The following DGKH variants were observed in gnomAD, a reference collection of about 807,000 sequenced individuals.
The protein encoded by DGKH is diacylglycerol kinase eta.
Under a neutral mutation model 159.3 loss-of-function variants are expected in DGKH, and 90 were observed. The ratio of observed to expected loss-of-function variants is 0.57; its 90% CI spans 0.48 to 0.67. DGKH has a LOEUF of 0.67. Ranked by LOEUF, DGKH falls within the 30% of genes least tolerant of loss-of-function variation. The pLI is 0.00. For missense variants in DGKH, 1,181 were observed against 1,506.1 expected, an observed-to-expected ratio of 0.78 and a Z score of 3.57; for synonymous variants, 536 against 553.8, an observed-to-expected ratio of 0.97 and a Z score of 0.45.
intron 1 of DGKH, among the ~76,000 whole-genome samples, chr13:42,063,513 T>C (rs1006642720): frequency 1.3e-5 from 2 of 152,208 alleles, no homozygotes; most frequent in African/African-American, 2.4e-5. Flanking sequence ...ATTAGCAAGT[T>C]TGATCTTTAA....
intron 3 of DGKH, among the ~76,000 whole-genome samples, chr13:42,137,695 T>A (rs544611234): frequency 6.6e-6 from 1 of 152,304 alleles, no homozygotes; most frequent in Admixed American, 6.5e-5. Context: ...AGACTACAAA[T>A]TTAGAATATT....
intron 16 of DGKH, among the ~76,000 whole-genome samples, chr13:42,193,826 G>GA (rs1957142832): frequency 6.6e-6 from 1 of 152,124 alleles, no homozygotes; most frequent in African/African-American, 2.4e-5. Flanking sequence ...TAGGGAGAGT[G>GA]AAGATAATTA....
chr13:42,163,667 G>A (rs1324200386), intron 7 of DGKH, among the ~76,000 whole-genome samples: 2 of 152,128 alleles, frequency 1.3e-5, no homozygotes, highest in Non-Finnish European at 2.9e-5. Context: ...CTTCTTTTGA[G>A]AAGTGTCTGT....
chr13:42,078,125 A>G (rs1954133474), intron 1 of DGKH, among the ~76,000 whole-genome samples: 1 of 152,236 alleles, frequency 6.6e-6, no homozygotes. Flanking sequence ...ATGATACATC[A>G]AAGAATCAAA....
chr13:42,220,424 A>G (rs1015869065), intron 28 of DGKH, among the ~76,000 whole-genome samples: 1 of 152,208 alleles, frequency 6.6e-6, no homozygotes, highest in African/African-American at 2.4e-5. Context: ...TTAAATGTAC[A>G]GGTATGCTAG....
At chr13:42,081,359 A>T (rs1340009440) in intron 1 of DGKH, among the ~76,000 whole-genome samples, 1 of 151,982 alleles carries the variant, frequency 6.6e-6, no homozygotes, top group Non-Finnish European at 1.5e-5. Flanking sequence ...CCTCCCAAGT[A>T]ACTGGGACTA....
chr13:42,213,090 G>A (rs1403387003), intron 24 of DGKH, among the ~76,000 whole-genome samples: 1 of 152,146 alleles, frequency 6.6e-6, no homozygotes, highest in African/African-American at 2.4e-5. Flanking sequence ...TCTTTACTGG[G>A]CTGTTCTAGA....
At chr13:42,177,113 A>G (rs1956622909) in intron 12 of DGKH, among the ~76,000 whole-genome samples, 1 of 152,168 alleles carries the variant, frequency 6.6e-6, no homozygotes, top group African/African-American at 2.4e-5. Context: ...GTAAATTTTC[A>G]CAAACTAAAC....
chr13:42,174,490 C>A (rs1173056899), intron 12 of DGKH, among the ~76,000 whole-genome samples: 1 of 152,172 alleles, frequency 6.6e-6, no homozygotes, highest in Non-Finnish European at 1.5e-5. Context: ...TAATTCCTCC[C>A]TGCATGTTCT....
At chr13:42,122,475 T>C (rs1364587844) in intron 1 of DGKH, among the ~76,000 whole-genome samples, 1 of 152,178 alleles carries the variant, frequency 6.6e-6, no homozygotes, top group East Asian at 1.9e-4. Context: ...AGCTCAGATC[T>C]TTCTTTCTTC....
chr13:42,175,471 A>G (rs1010831368), intron 12 of DGKH, among the ~76,000 whole-genome samples: 17 of 152,220 alleles, frequency 1.1e-4, no homozygotes, highest in Admixed American at 2.0e-4. Context: ...TTATCTTAAC[A>G]GTATTTTTGT....
rs115024215 is a variant in DGKH, at chr13:42,158,227, G to A, written c.623-1039G>A. 9.1e-3 allele frequency among the ~76,000 whole-genome samples: 1,386 copies of A among 152,276 alleles called. 20 individuals are homozygous for A. Among genetic ancestry groups the A allele is most frequent in the African/African-American group, 0.03 (1,246 of 41,548 alleles). On this transcript the variant is annotated intron_variant, in intron 5 of 29. Coordinates refer to ENST00000337343, the MANE Select transcript of DGKH (RefSeq NM_178009.5). ...CCAATTAAGACAGTTTCAAGAGAAT[G>A]GTGTGTAATGCAAAATTTGTTAATG... is the stretch of plus-strand genomic sequence containing the variant.
upstream of DGKH, among the ~76,000 whole-genome samples, chr13:42,047,683 G>C (rs1011584590): frequency 1.3e-5 from 2 of 152,206 alleles, no homozygotes; most frequent in Non-Finnish European, 2.9e-5. Flanking sequence ...GGGGAGTTGT[G>C]CGCGGTGGCT....
chr13:42,174,058 A>G lies in DGKH; in HGVS notation c.1368-2A>G. The G allele has an allele frequency of 6.2e-7, 1 of 1,611,676 alleles. No homozygotes were observed. On this transcript the variant is annotated splice_acceptor_variant, in intron 11 of 29. Coordinates refer to ENST00000337343, the MANE Select transcript of DGKH (RefSeq NM_178009.5). LOFTEE classifies it high-confidence loss of function. ...TTGACCAAAGAGTTTTTCTCCCTTC[A>G]GGTGGAGTATAATGACATATGAACT...
intron 1 of DGKH, among the ~76,000 whole-genome samples, chr13:42,092,227 A>G (rs998814863): frequency 3.3e-5 from 5 of 152,160 alleles, no homozygotes; most frequent in African/African-American, 7.2e-5. Context: ...TGATCCAGCA[A>G]TCCCACTGCT....
At chr13:42,131,523 G>A (rs139041735) in intron 3 of DGKH, among the ~76,000 whole-genome samples, 114 of 152,276 alleles carry the variant, frequency 7.5e-4, no homozygotes, top group African/African-American at 2.6e-3. Flanking sequence ...TGAAATTGAA[G>A]GATAAGGTTA....
intron 13 of DGKH, 51 bp downstream of exon 13, chr13:42,178,271 T>TGGC: frequency 7.2e-7 from 1 of 1,395,014 alleles, no homozygotes; most frequent in South Asian, 1.4e-5. Context: ...AAATGATAGC[T>TGGC]GGCTCCTACC....
intron 1 of DGKH, chr13:42,070,859 T>C (rs1882917512): frequency 7.7e-7 from 1 of 1,303,886 alleles, no homozygotes; most frequent in Non-Finnish European, 1.1e-6. Flanking sequence ...TCAAACACTT[T>C]CACAATGTTA....
chr13:42,204,572 T>C (rs1957418875), intron 20 of DGKH, among the ~76,000 whole-genome samples: 1 of 152,216 alleles, frequency 6.6e-6, no homozygotes, highest in Non-Finnish European at 1.5e-5. Context: ...TTCTGTGTGA[T>C]TCTGATGGTG....
Sources: allele counts gnomAD v4.1 joint callset (sites outside exome capture counted in the v4.1 genomes callset), GRCh38; gene constraint gnomAD v4.1.1; transcripts MANE v1.5; gene names NCBI Gene and HGNC (gene_info 2026-07-23, HGNC 2026-07-21).